GNAT2: variants seen among roughly 807,000 people sequenced by gnomAD.
GNAT2 encodes the protein guanine nucleotide-binding protein G(t) subunit alpha-2.
Under a neutral mutation model 40.9 loss-of-function variants are expected in GNAT2, and 32 were observed. That is an observed-to-expected ratio of 0.78 (90% CI 0.59 to 1.05). The LOEUF is 1.05. GNAT2 is among the 50% of genes least tolerant of loss of function. The pLI is 0.00. For synonymous variants in GNAT2, 141 were observed against 157.2 expected, an observed-to-expected ratio of 0.90 and a Z score of 0.77; for missense variants, 355 against 431.5, an observed-to-expected ratio of 0.82 and a Z score of 1.57.
Position 109,612,807 on chromosome 1 carries a change from T to G in GNAT2, c.64A>C (p.Lys22Gln). ...LAKRSKELEK[K>Q]LQEDADKEAK... ...TCCTTATCAGCATCCTCCTGCAGCT[T>G]CTTTTCTAGCTCCTTGGACCTCTTG... Residue 22 changes from lysine (K) to glutamine (Q), a missense_variant, in exon 2 of 9, where the codon AAG (lysine) becomes CAG (glutamine). By Grantham distance (53) the Lys-to-Gln change is moderately conservative (BLOSUM62 1). Transcript: ENST00000679935. 1.2e-6 allele frequency: 2 copies of G among 1,613,688 alleles called. No homozygotes were observed. The highest frequency in any genetic ancestry group is 1.7e-6 in the Non-Finnish European group (2 of 1,179,580).
intron 1 of GNAT2, chr1:109,614,198 C>T (rs1031474093): frequency 2.6e-5 from 4 of 152,132 alleles, no homozygotes; most frequent in Non-Finnish European, 4.4e-5. Context: ...ATTCAGAATC[C>T]GCAGTTTAAC....
chr1:109,612,757 C>G lies in GNAT2; in HGVS notation c.114G>C (p.Leu38=), dbSNP rs946765939. 2.5e-6 allele frequency: 4 copies of G among 1,568,922 alleles called. No individual in the cohort carries two copies. The highest frequency in any genetic ancestry group is 1.7e-5 in the Admixed American group (1 of 59,952). The change falls in exon 2 of 9, where the codon CTG becomes CTC. Residue 38 remains leucine, a synonymous_variant. Coordinates refer to ENST00000679935, the MANE Select transcript of GNAT2 (RefSeq NM_001377295.2). ...TCATCTTCCCATCTCACTCACCCAG[C>G]AGTAGCAGCTTGACAGTCTTGGCTT... ...DKEAKTVKLL[L]LGAGESGKST...
intron 7 of GNAT2, chr1:109,604,307 G>C: frequency 1.7e-6 from 1 of 589,036 alleles, no homozygotes; most frequent in Admixed American, 2.9e-5. Context: ...TGTGTGACTT[G>C]TGGAAAATTA....
Position 109,608,727 on chromosome 1 carries a change from T to C in GNAT2, c.365A>G (p.Glu122Gly). 2.5e-6 allele frequency: 4 copies of C among 1,613,824 alleles called. No individual in the cohort carries two copies. The highest frequency in any genetic ancestry group is 3.4e-6 in the Non-Finnish European group (4 of 1,179,706). Residue 122 changes from glutamate to glycine, a missense_variant, in exon 5 of 9, where the codon GAG becomes GGG. By Grantham distance (98) the Glu-to-Gly change is moderately conservative. Transcript: ENST00000679935. The stretch of plus-strand genomic sequence containing the variant: ...CAACCTCCTAATGACCTCCACGAGC[T>C]CAGGAGGCATGGTTCCCTCCTCAAT... ...DSIEEGTMPP[E>G]LVEVIRRLWK...
At chr1:109,605,380 ATAGAACTCCTGTCCTACAG>A (rs1649560824) in intron 7 of GNAT2, 2 of 161,652 alleles carry the variant, frequency 1.2e-5, no homozygotes, top group African/African-American at 4.8e-5. Flanking sequence ...CACTTGTCCT[ATAGAACTCCTGTCCTACAG>A]AATTCTACAG....
intron 7 of GNAT2, chr1:109,604,421 T>G: frequency 5.4e-6 from 2 of 369,430 alleles, no homozygotes; most frequent in Non-Finnish European, 1.0e-5. Flanking sequence ...CATATAGGTC[T>G]ATAATGTGTT....
At chr1:109,606,156 T>C in intron 6 of GNAT2, 57 bp from the exon 7 acceptor site, 7 of 1,602,330 alleles carry the variant, frequency 4.4e-6, no homozygotes, top group African/African-American at 1.3e-5. Flanking sequence ...CTATATGCCT[T>C]TGATGGTCAC....
Position 109,603,983 on chromosome 1 carries a change from A to G in GNAT2, c.842T>C (p.Val281Ala). 6.2e-7 allele frequency: 1 copy of G among 1,610,634 alleles called. No homozygotes were observed. The highest frequency in any genetic ancestry group is 8.5e-7 in the Non-Finnish European group (1 of 1,176,884). ...CTCTGGAAAACAAATGCTGAGATGG[A>G]CTTTCTTGATTTTTTCCTCAAAGAG... ...KDLFEEKIKK[V>A]HLSICFPEYD... is the part of the protein sequence containing the mutation. Residue 281 changes from valine (V) to alanine (A), a missense_variant, in exon 8 of 9, where the codon GTC becomes GCC. Transcript: ENST00000679935.
At chr1:109,612,547 T>C in intron 2 of GNAT2, 1 of 601,228 alleles carries the variant, frequency 1.7e-6, no homozygotes. Flanking sequence ...GGAATAGCCT[T>C]GGCATTCTGG....
intron 1 of GNAT2, among the ~76,000 whole-genome samples, chr1:109,618,972 G>T (rs1557923850): frequency 6.6e-6 from 1 of 152,140 alleles, no homozygotes; most frequent in African/African-American, 2.4e-5. Context: ...AACTGGGTGT[G>T]GGGGGCAAAG....
At position 109,603,527 on chromosome 1, in the gene GNAT2, C is replaced by T. The variant is rs764393652; in HGVS notation, c.892G>A (p.Asp298Asn). The T allele has an allele frequency of 6.2e-7, 1 of 1,609,538 alleles. No individual in the cohort carries two copies. Among genetic ancestry groups the T allele is most frequent in the South Asian group, 1.1e-5 (1 of 90,998 alleles). Reference protein sequence around the residue: ...PEYDGNNSYDDAGNYIKSQFL... With the variant: ...PEYDGNNSYDNAGNYIKSQFL... ...TGGCTCTTTATGTAATTCCCCGCAT[C>T]ATCATAGGAGTTGTTACCTGGTTTT... The change falls in exon 9 of 9, where the codon GAT becomes AAT. Residue 298 changes from aspartate (D) to asparagine (N), a missense_variant. Asp to Asn is a conservative substitution (Grantham distance 23). Coordinates refer to ENST00000679935, the MANE Select transcript of GNAT2 (RefSeq NM_001377295.2).
chr1:109,612,742 A>ATC lies in GNAT2; in HGVS notation c.118+9_118+10dup. 6.6e-7 allele frequency: 1 copy of ATC among 1,504,120 alleles called. No homozygotes were observed. The highest frequency in any genetic ancestry group is 9.3e-7 in the Non-Finnish European group (1 of 1,079,662). The allele number at this position is 1,504,120 out of a possible 1,614,324, so 93.2% of individuals were successfully genotyped here. A position where few individuals can be genotyped will look rare whatever the true frequency, so the allele number is the denominator to read the frequency against. ...CCTGCCTTCTCTGGCTCATCTTCCC[A>ATC]TCTCACTCACCCAGCAGTAGCAGCT... On this transcript the variant is annotated intron_variant, in intron 2 of 8. Coordinates refer to ENST00000679935, the MANE Select transcript of GNAT2 (RefSeq NM_001377295.2).
chr1:109,603,559 A>T lies in GNAT2; in HGVS notation c.875-15T>A, dbSNP rs374107405. The T allele has an allele frequency of 4.5e-6, 7 of 1,538,506 alleles. No individual in the cohort carries two copies. The highest frequency in any genetic ancestry group is 6.3e-6 in the Non-Finnish European group (7 of 1,111,456). On this transcript the variant is annotated splice_polypyrimidine_tract_variant and intron_variant, in intron 8 of 8. Transcript: ENST00000679935. ...GGAGTTGTTACCTGGTTTTCCAGAA[A>T]AATAGTGAAAAAGTAGAATAAATGA...
chr1:109,609,730 A>C (rs1050128473), intron 4 of GNAT2: 3 of 396,228 alleles, frequency 7.6e-6, no homozygotes, highest in South Asian at 2.1e-5. Context: ...GCCCAATGCA[A>C]ATGCAGTCTC....
intron 3 of GNAT2, 32 bp downstream of exon 3, chr1:109,610,433 A>G (rs1649760519): frequency 6.2e-7 from 1 of 1,603,326 alleles, no homozygotes. Flanking sequence ...TCTTCACCCT[A>G]TCTTGTCTTT....
intron 1 of GNAT2, chr1:109,618,027 G>A (rs982968953): frequency 6.6e-6 from 1 of 152,100 alleles, no homozygotes; most frequent in Non-Finnish European, 1.5e-5. Context: ...CTGGGTTGGG[G>A]GGACTGTGGA....
At chr1:109,607,719 C>T (rs1370376822) in intron 5 of GNAT2, 2 of 152,210 alleles carry the variant, frequency 1.3e-5, no homozygotes, top group Non-Finnish European at 2.9e-5. Context: ...CAAATGCAGT[C>T]TCTGCTATTT....
chr1:109,609,772 A>G, intron 4 of GNAT2: 1 of 472,286 alleles, frequency 2.1e-6, no homozygotes, highest in Non-Finnish European at 3.9e-6. Context: ...TGGGCAGTTA[A>G]TTAACTTCTC....
At chr1:109,611,793 T>A (rs1251570194) in intron 2 of GNAT2, 1 of 152,226 alleles carries the variant, frequency 6.6e-6, no homozygotes, top group Non-Finnish European at 1.5e-5. Flanking sequence ...CCTGGGCTCC[T>A]TAGAGTCTGG....
Sources: allele counts gnomAD v4.1 joint callset (sites outside exome capture counted in the v4.1 genomes callset), GRCh38; gene constraint gnomAD v4.1.1; transcripts MANE v1.5; gene names NCBI Gene and HGNC (gene_info 2026-07-23, HGNC 2026-07-21).